The following DISP1 variants were observed in gnomAD, a reference collection of about 807,000 sequenced individuals.
DISP1 encodes the protein dispatched RND transporter family member 1.
Under a neutral mutation model 37.3 loss-of-function variants are expected in DISP1, and 30 were observed. The ratio of observed to expected loss-of-function variants is 0.80; its 90% CI spans 0.60 to 1.09. The LOEUF (loss-of-function observed/expected upper bound fraction) is 1.09, where lower values mean the gene tolerates loss of function less well. Ranked by LOEUF, DISP1 falls within the 50% of genes least tolerant of loss-of-function variation. The pLI is 0.00. For missense variants in DISP1, 1,598 were observed against 1,879.5 expected (o/e 0.85, Z 2.77); for synonymous variants, 634 against 690.2 (o/e 0.92, Z 1.28).
At chr1:222,867,698 A>G (rs1014739535) in intron 1 of DISP1, among the ~76,000 whole-genome samples, 1 of 152,210 alleles carries the variant, frequency 6.6e-6, no homozygotes, top group Non-Finnish European at 1.5e-5. Context: ...AGTTAGTGGC[A>G]AAGCTAGAAA....
intron 3 of DISP1, among the ~76,000 whole-genome samples, chr1:222,946,217 CAAAAA>C (rs11330653): frequency 7.8e-6 from 1 of 127,960 alleles, no homozygotes; most frequent in African/African-American, 3.0e-5. Context: ...ACTAAAAATA[CAAAAA>C]AAAAAAAAAA....
intron 1 of DISP1, among the ~76,000 whole-genome samples, chr1:222,840,557 CTT>C (rs71176702): frequency 2.6e-5 from 3 of 116,088 alleles, no homozygotes; most frequent in Admixed American, 9.7e-5. Flanking sequence ...TACAGTATCT[CTT>C]TTTTTTTTTT....
At chr1:222,880,585 C>T (rs558356503) in intron 1 of DISP1, among the ~76,000 whole-genome samples, 70 of 152,320 alleles carry the variant, frequency 4.6e-4, no homozygotes, top group African/African-American at 1.6e-3. Context: ...CAGGCCTTTG[C>T]AGCAGATTTC....
At chr1:222,960,647 A>G (rs1675985489) in intron 3 of DISP1, among the ~76,000 whole-genome samples, 1 of 152,134 alleles carries the variant, frequency 6.6e-6, no homozygotes, top group Non-Finnish European at 1.5e-5. Context: ...AGATAGAGAC[A>G]TGAAAAACCC....
intron 4 of DISP1, among the ~76,000 whole-genome samples, chr1:222,987,304 C>A (rs1041730203): frequency 1.3e-5 from 2 of 152,184 alleles, no homozygotes; most frequent in Non-Finnish European, 2.9e-5. Context: ...AGAAGAAATA[C>A]TTGTTTGAGT....
At chr1:222,936,888 A>ATATATCATATATATT (rs1558340372) in intron 2 of DISP1, among the ~76,000 whole-genome samples, 1 of 40,016 alleles carries the variant, frequency 2.5e-5, no homozygotes, top group African/African-American at 7.9e-5. Flanking sequence ...TGATATATAT[A>ATATATCATATATATT]ATATATTATT....
chr1:222,891,811 G>T (rs1670959160), intron 1 of DISP1, among the ~76,000 whole-genome samples: 1 of 151,940 alleles, frequency 6.6e-6, no homozygotes, highest in African/African-American at 2.4e-5. Context: ...CCAGGATTTG[G>T]GTGTGTGTGT....
intron 1 of DISP1, among the ~76,000 whole-genome samples, chr1:222,865,969 G>A (rs1669162956): frequency 6.6e-6 from 1 of 152,116 alleles, no homozygotes; most frequent in African/African-American, 2.4e-5. Context: ...TCTTGTAGGA[G>A]TACAGACACA....
Position 223,005,365 on chromosome 1 carries a change from AG to A in DISP1, c.3971del (p.Gly1324AlafsTer19). 6.2e-7 allele frequency: 1 copy of A among 1,613,540 alleles called. No homozygotes were observed. The highest frequency in any genetic ancestry group is 8.5e-7 in the Non-Finnish European group (1 of 1,180,022). On this transcript the variant is annotated frameshift_variant, in exon 9 of 9. Transcript: ENST00000675850. LOFTEE classifies it low-confidence loss of function (END_TRUNC). ...APLKATHQAV[E>X]GFVHPITHIH... ...CTGAAGGCCACACACCAAGCTGTCG[AG>A]GGCTTTGTGCACCCCATCACGCACA... is the stretch of plus-strand genomic sequence containing the variant.
At chr1:222,948,268 A>G (rs534759518) in intron 3 of DISP1, among the ~76,000 whole-genome samples, 2 of 152,342 alleles carry the variant, frequency 1.3e-5, no homozygotes, top group East Asian at 3.9e-4. Flanking sequence ...TTATCTTAGA[A>G]TGAACACTGA....
intron 1 of DISP1, among the ~76,000 whole-genome samples, chr1:222,886,589 T>C (rs1222482891): frequency 1.3e-5 from 2 of 152,220 alleles, no homozygotes; most frequent in Non-Finnish European, 2.9e-5. Flanking sequence ...AGGTGCCAGC[T>C]CTTTGAAGTT....
intron 1 of DISP1, among the ~76,000 whole-genome samples, chr1:222,822,882 T>G (rs1663289959): frequency 6.6e-6 from 1 of 152,216 alleles, no homozygotes; most frequent in Non-Finnish European, 1.5e-5. Flanking sequence ...ATCTCCTAAG[T>G]GTCCATGCAT....
At chr1:222,986,223 A>G (rs913167216) in intron 4 of DISP1, among the ~76,000 whole-genome samples, 1 of 152,168 alleles carries the variant, frequency 6.6e-6, no homozygotes, top group Admixed American at 6.6e-5. Context: ...TGGGCACTGA[A>G]TTATACCATC....
intron 2 of DISP1, among the ~76,000 whole-genome samples, chr1:222,938,760 A>AGGAAGG (rs1553332294): frequency 1.3e-4 from 14 of 104,580 alleles, no homozygotes; most frequent in South Asian, 5.0e-4. Flanking sequence ...AAAAAAAAAA[A>AGGAAGG]AAGGAAGGAA....
rs147361599 is a variant in DISP1, at chr1:222,962,012, G to GAA, written c.509+18688_509+18689dup. On this transcript the variant is annotated intron_variant, in intron 3 of 8. Transcript: ENST00000675850. ...AGAGCAAGACTCTGTCTCAAAAAAA[G>GAA]AAAAAAAAAGAAGAAGAAAGCCCCA... Among the ~76,000 whole-genome samples, 27 of 149,266 alleles carry GAA rather than the reference G, an allele frequency of 1.8e-4. No individual in the cohort carries two copies. The South Asian group carries it at 2.3e-3, about 13-fold the overall frequency.
chr1:222,869,137 C>G (rs1163714862), intron 1 of DISP1, among the ~76,000 whole-genome samples: 1 of 152,024 alleles, frequency 6.6e-6, no homozygotes, highest in Non-Finnish European at 1.5e-5. Context: ...GGCTCTTGAG[C>G]CTTCAATAAC....
At chr1:222,984,624 TTTG>T (rs1460027882) in intron 4 of DISP1, among the ~76,000 whole-genome samples, 1 of 151,792 alleles carries the variant, frequency 6.6e-6, no homozygotes, top group African/African-American at 2.4e-5. Flanking sequence ...CATGTTTATA[TTTG>T]TTGTATATAT....
chr1:222,950,402 C>A (rs549339632), intron 3 of DISP1, among the ~76,000 whole-genome samples: 1 of 152,074 alleles, frequency 6.6e-6, no homozygotes, highest in African/African-American at 2.4e-5. Flanking sequence ...AGATCGAGAC[C>A]GTCCTGGCTA....
intron 1 of DISP1, among the ~76,000 whole-genome samples, chr1:222,895,195 G>A (rs1671179786): frequency 6.6e-6 from 1 of 152,190 alleles, no homozygotes; most frequent in South Asian, 2.1e-4. Context: ...GGTTGTTATG[G>A]TTTGGAACAG....
Sources: gnomAD v4.1 joint callset for allele counts (sites outside exome capture counted in the v4.1 genomes callset) on GRCh38, gnomAD v4.1.1 for gene constraint, MANE v1.5 for transcripts, NCBI Gene and HGNC (gene_info 2026-07-23, HGNC 2026-07-21) for gene names.